Variants in MPRIP observed in about 807,000 individuals in gnomAD.
MPRIP encodes myosin phosphatase Rho-interacting protein.
Under a neutral mutation model 234.9 loss-of-function variants are expected in MPRIP, and 59 were observed. The observed-to-expected ratio is 0.25, with a 90% CI of 0.20 to 0.31. The LOEUF is 0.31. MPRIP is among the 10% of genes least tolerant of loss of function. MPRIP has a pLI of 1.00. For synonymous variants in MPRIP, 1,144 were observed against 1,263.9 expected, an observed-to-expected ratio of 0.91 and a Z score of 2.01; for missense variants, 2,436 against 3,071.0, an observed-to-expected ratio of 0.79 and a Z score of 4.89.
chr17:17,070,571 T>A (rs2089168039), intron 1 of MPRIP, among the ~76,000 whole-genome samples: 1 of 152,248 alleles, frequency 6.6e-6, no homozygotes, highest in Non-Finnish European at 1.5e-5. Flanking sequence ...TTTATTTCAG[T>A]TACCGTATTT....
rs1044857589 is a variant in MPRIP at position 17,142,697 on chromosome 17, G to A, written c.1321G>A (p.Val441Met). 6 of 1,612,226 alleles carry A rather than the reference G, an allele frequency of 3.7e-6. No individual in the cohort carries two copies. Among genetic ancestry groups the A allele is most frequent in the African/African-American group, 1.3e-5 (1 of 74,874 alleles). Residue 441 changes from valine (V) to methionine (M), a missense_variant, in exon 8 of 24, where the codon GTG (valine) becomes ATG (methionine). Coordinates refer to ENST00000651222, the MANE Select transcript of MPRIP (RefSeq NM_001364716.4). ...GGCAGAGCACATGGAGACCAATGCA[G>A]TGGGGCCCTCACCATCCAGCGACAC... is the stretch of plus-strand genomic sequence containing the variant. ...EKAEHMETNA[V>M]GPSPSSDTRQ... is the part of the protein sequence containing the mutation.
chr17:17,138,180 T>C lies in MPRIP; in HGVS notation c.1001T>C (p.Leu334Pro). 1 of 1,084,646 alleles carries C rather than the reference T, an allele frequency of 9.2e-7. No homozygotes were observed. The highest frequency in any genetic ancestry group is 1.7e-5 in the South Asian group (1 of 59,734). The allele number at this position is 1,084,646 out of a possible 1,614,324, so 67.2% of individuals were successfully genotyped here. ...QMVCSISLSSLDVASQPPAYV... is the reference protein window; with the variant it reads ...QMVCSISLSSPDVASQPPAYV... ...GTCTGCAGCATCTCCCTCAGCTCCC[T>C]GGATGTGGCCAGCCAGCCACCTGCC... The change falls in exon 7 of 24, where the codon CTG (leucine) becomes CCG (proline). Residue 334 changes from leucine (L) to proline (P), a missense_variant. Leu to Pro is a moderately conservative substitution (Grantham distance 98). Transcript: ENST00000651222. The surrounding 1 kb of genome is among the most constrained non-coding windows in gnomAD (Gnocchi z 5.8).
In MPRIP at chr17:17,130,003, A is replaced by G. The variant is rs148129132; in HGVS notation, c.420-1614A>G. Among the ~76,000 whole-genome samples the G allele has an allele frequency of 1.7e-3, 256 of 152,282 alleles. 1 individual carries two copies. Among genetic ancestry groups the G allele is most frequent in the Middle Eastern group, 6.8e-3 (2 of 294 alleles). On this transcript the variant is annotated intron_variant, in intron 4 of 23. Coordinates refer to ENST00000651222, the MANE Select transcript of MPRIP (RefSeq NM_001364716.4). Reference sequence around the variant, plus strand: ...TTGATGAGAAGTGTGACCAGGGAGGAGAGGGGCTCAGGACCCTCAGAAGGC... The same window carrying G: ...TTGATGAGAAGTGTGACCAGGGAGGGGAGGGGCTCAGGACCCTCAGAAGGC...
chr17:17,142,733 C>G lies in MPRIP; in HGVS notation c.1357C>G (p.Arg453Gly). ...PSPSSDTRQG[R>G]SEKRAFPRKR... ...ACCATCCAGCGACACACGCCAGGGCCGCAGCGAGAAGAGGGCGTTCCCTAG... is the reference window on the plus strand; with the variant it reads ...ACCATCCAGCGACACACGCCAGGGCGGCAGCGAGAAGAGGGCGTTCCCTAG... Residue 453 changes from arginine to glycine, a missense_variant, in exon 8 of 24, where the codon CGC (arginine) becomes GGC (glycine). Arg to Gly is a moderately radical substitution (Grantham distance 125, BLOSUM62 -2). Coordinates refer to ENST00000651222, the MANE Select transcript of MPRIP (RefSeq NM_001364716.4). 6.2e-7 allele frequency: 1 copy of G among 1,612,632 alleles called. No individual in the cohort carries two copies. Among genetic ancestry groups the G allele is most frequent in the Non-Finnish European group, 8.5e-7 (1 of 1,179,960 alleles).
At chr17:17,116,837 T>C (rs1425415306) in intron 3 of MPRIP, among the ~76,000 whole-genome samples, 1 of 152,200 alleles carries the variant, frequency 6.6e-6, no homozygotes, top group Non-Finnish European at 1.5e-5. Context: ...GAATGTGGCC[T>C]GGGAAACCAG....
chr17:17,148,505 A>G lies in MPRIP; in HGVS notation c.1629+1118A>G, dbSNP rs551185214. ...GATTCTTCACTGCCATACATTTTAA[A>G]TAATTAATCGTTTTAAAATAAATAA... On this transcript the variant is annotated intron_variant, in intron 11 of 23. Transcript: ENST00000651222. 1.1e-3 allele frequency among the ~76,000 whole-genome samples: 171 copies of G among 152,366 alleles called. 1 individual carries two copies. The highest frequency in any genetic ancestry group is 1.9e-3 in the Non-Finnish European group (130 of 68,038).
At chr17:17,125,220 G>T (rs963144637) in intron 3 of MPRIP, among the ~76,000 whole-genome samples, 1 of 152,214 alleles carries the variant, frequency 6.6e-6, no homozygotes, top group Non-Finnish European at 1.5e-5. Flanking sequence ...GCTCCTCCTC[G>T]TGTCCCCCCA....
At position 17,154,277 on chromosome 17, in the gene MPRIP, A is replaced by C. The variant is rs1404225185; in HGVS notation, c.1720-29A>C. ...GCAGCAGGCACCCTAGGGGACAGTC[A>C]CTGATGGTGCCTCATCTTTTCTCTG... On this transcript the variant is annotated intron_variant, in intron 12 of 23. Coordinates refer to ENST00000651222, the MANE Select transcript of MPRIP (RefSeq NM_001364716.4). 1.9e-6 allele frequency: 3 copies of C among 1,597,726 alleles called. No individual in the cohort carries two copies. In the Admixed American group the frequency reaches 5.0e-5, roughly 27 times the overall value.
intron 7 of MPRIP, among the ~76,000 whole-genome samples, chr17:17,141,092 C>A (rs942884574): frequency 2.8e-4 from 42 of 152,328 alleles, no homozygotes; most frequent in African/African-American, 9.4e-4. Flanking sequence ...CACCACGACT[C>A]CTCTGTCTGG....
intron 1 of MPRIP, among the ~76,000 whole-genome samples, chr17:17,069,236 A>G (rs1479039773): frequency 2.1e-5 from 3 of 144,566 alleles, no homozygotes; most frequent in Admixed American, 6.8e-5. Flanking sequence ...ATCTGATAAC[A>G]TAACAACTCT....
chr17:17,046,821 CAA>C (rs1238711623), intron 1 of MPRIP, among the ~76,000 whole-genome samples: 1 of 152,234 alleles, frequency 6.6e-6, no homozygotes, highest in East Asian at 1.9e-4. Context: ...CGTCTCATCA[CAA>C]AGGCAGCCGT....
At chr17:17,142,032 C>T (rs2045334847) in intron 7 of MPRIP, 1 of 153,978 alleles carries the variant, frequency 6.5e-6, no homozygotes, top group African/African-American at 2.4e-5. Context: ...CGCTCTCCTG[C>T]TGTGCCGCTG....
intron 1 of MPRIP, among the ~76,000 whole-genome samples, chr17:17,067,790 C>CTTTTTTTTTTTTTTTT (rs35187618): frequency 3.9e-5 from 3 of 76,764 alleles, no homozygotes; most frequent in South Asian, 5.7e-4. Context: ...CTTCTTCTTC[C>CTTTTTTTTTTTTTTTT]TTTTTTTTTT....
At chr17:17,095,626 G>GC (rs1026831314) in intron 3 of MPRIP, among the ~76,000 whole-genome samples, 1 of 152,012 alleles carries the variant, frequency 6.6e-6, no homozygotes, top group African/African-American at 2.4e-5. Context: ...TACTTCCCCT[G>GC]CCCCCTCAGC....
intron 3 of MPRIP, among the ~76,000 whole-genome samples, chr17:17,111,760 T>A (rs902005053): frequency 1.3e-5 from 2 of 152,204 alleles, no homozygotes; most frequent in African/African-American, 2.4e-5. Context: ...GTCTCCTACC[T>A]TCCTGAGTGT....
At chr17:17,090,556 G>T (rs2089691085) in intron 3 of MPRIP, among the ~76,000 whole-genome samples, 1 of 152,188 alleles carries the variant, frequency 6.6e-6, no homozygotes. Flanking sequence ...CCGTCTGTCT[G>T]CAGGGTGCAG....
chr17:17,053,649 G>A (rs1240389863), intron 1 of MPRIP, among the ~76,000 whole-genome samples: 2 of 152,166 alleles, frequency 1.3e-5, no homozygotes, highest in Non-Finnish European at 2.9e-5. Flanking sequence ...TCCCTCTTAG[G>A]TTACTGCAGA....
chr17:17,052,592 A>G (rs978365623), intron 1 of MPRIP, among the ~76,000 whole-genome samples: 9 of 152,142 alleles, frequency 5.9e-5, no homozygotes, highest in Admixed American at 2.6e-4. Flanking sequence ...AATAAGTGTT[A>G]ACCTTTGCTA....
rs574098965 is a variant in MPRIP at position 17,186,157 on chromosome 17, T to C, written c.*1263T>C. On this transcript the variant is annotated 3_prime_UTR_variant, in exon 24 of 24. Transcript: ENST00000651222. ...GCTGGTGGAACAGGTTCTGCTACTT[T>C]AGGAGCAAGGTGGGGTGTGAGTAGA... The C allele has an allele frequency of 1.8e-4, 28 of 152,400 alleles. No homozygotes were observed. Among genetic ancestry groups the C allele is most frequent in the African/African-American group, 6.0e-4 (25 of 41,534 alleles). The allele number at this position is 152,400 out of a possible 1,614,324, so 9.4% of individuals were successfully genotyped here.
Sources: allele counts gnomAD v4.1 joint callset (sites outside exome capture counted in the v4.1 genomes callset), GRCh38; gene constraint gnomAD v4.1.1; non-coding constraint Gnocchi (gnomAD v3.1); transcripts MANE v1.5; gene names NCBI Gene and HGNC (gene_info 2026-07-23, HGNC 2026-07-21).